The following HS6ST3 variants were observed in gnomAD, a reference collection of about 807,000 sequenced individuals.
HS6ST3 encodes the protein heparan-sulfate 6-O-sulfotransferase 3.
In HS6ST3, 12 loss-of-function variants were observed where a neutral mutation model predicts 36.7. That is an observed-to-expected ratio of 0.33 (90% CI 0.21 to 0.53). HS6ST3 has a LOEUF of 0.53. Ranked by LOEUF, HS6ST3 falls within the 20% of genes least tolerant of loss-of-function variation. The probability of loss-of-function intolerance (pLI) is 0.95; values close to 1 mark genes in which losing one functional copy is unlikely to be tolerated. For missense variants in HS6ST3, 584 were observed against 640.9 expected (o/e 0.91, Z 0.96); for synonymous variants, 240 against 257.5 (o/e 0.93, Z 0.65).
At chr13:96,594,760 C>T (rs1436164016) in intron 1 of HS6ST3, among the ~76,000 whole-genome samples, 1 of 152,176 alleles carries the variant, frequency 6.6e-6, no homozygotes, top group Non-Finnish European at 1.5e-5. Flanking sequence ...GTGATTTACA[C>T]ACCACCATTA....
At chr13:96,112,459 G>C (rs1286873856) in intron 1 of HS6ST3, among the ~76,000 whole-genome samples, 1 of 151,040 alleles carries the variant, frequency 6.6e-6, no homozygotes, top group Non-Finnish European at 1.5e-5. Context: ...CAGGTCAGAT[G>C]TGGTGGCCCA....
chr13:96,172,083 A>G (rs1028101633), intron 1 of HS6ST3, among the ~76,000 whole-genome samples: 1 of 152,262 alleles, frequency 6.6e-6, no homozygotes, highest in African/African-American at 2.4e-5. Flanking sequence ...AGATTGAAAG[A>G]AAAAATATTT....
At chr13:96,205,797 A>G (rs1241098843) in intron 1 of HS6ST3, among the ~76,000 whole-genome samples, 7 of 152,190 alleles carry the variant, frequency 4.6e-5, no homozygotes, top group Non-Finnish European at 1.5e-5. Flanking sequence ...TAAACTAGGT[A>G]TTGAAAGAAC....
At chr13:96,437,588 G>A (rs1309315972) in intron 1 of HS6ST3, among the ~76,000 whole-genome samples, 1 of 152,200 alleles carries the variant, frequency 6.6e-6, no homozygotes, top group Non-Finnish European at 1.5e-5. Flanking sequence ...TATTCTTCAT[G>A]ATGATATGGG....
intron 1 of HS6ST3, among the ~76,000 whole-genome samples, chr13:96,449,758 C>T (rs1410286933): frequency 1.3e-5 from 2 of 152,140 alleles, no homozygotes; most frequent in Admixed American, 1.3e-4. Flanking sequence ...ATAGAGAATG[C>T]AAGTAGTAGG....
intron 1 of HS6ST3, among the ~76,000 whole-genome samples, chr13:96,682,927 A>G (rs986051123): frequency 1.3e-5 from 2 of 152,122 alleles, no homozygotes; most frequent in African/African-American, 4.8e-5. Context: ...CATTTTTATA[A>G]ACAATAAATT....
intron 1 of HS6ST3, among the ~76,000 whole-genome samples, chr13:96,280,143 T>C (rs780497699): frequency 1.3e-5 from 2 of 152,158 alleles, no homozygotes; most frequent in Non-Finnish European, 1.5e-5. Flanking sequence ...TGTACAGTAT[T>C]AGCTCCTGGA....
At chr13:96,720,012 A>G (rs1010554902) in intron 1 of HS6ST3, among the ~76,000 whole-genome samples, 2 of 152,152 alleles carry the variant, frequency 1.3e-5, no homozygotes, top group Non-Finnish European at 2.9e-5. Flanking sequence ...TGCAGGGTGC[A>G]TATATCATGG....
Position 96,833,298 on chromosome 13 carries a change from G to A in HS6ST3, c.*100G>A, listed in dbSNP as rs1566464819. 5 of 837,496 alleles carry A rather than the reference G, an allele frequency of 6.0e-6. No homozygotes were observed. Among genetic ancestry groups the A allele is most frequent in the Non-Finnish European group, 9.0e-6 (5 of 556,396 alleles). 51.9% of individuals were successfully genotyped at this position (837,496 alleles called of 1,614,324 possible). ...AGCTGAGCCATTCTGAGGACATCTGGCTGTGTGTGCTTGATTTGGACATCT... is the reference window on the plus strand; with the variant it reads ...AGCTGAGCCATTCTGAGGACATCTGACTGTGTGTGCTTGATTTGGACATCT... On this transcript the variant is annotated 3_prime_UTR_variant, in exon 2 of 2. Transcript: ENST00000376705.
intron 1 of HS6ST3, among the ~76,000 whole-genome samples, chr13:96,420,726 T>C (rs1264838921): frequency 6.6e-6 from 1 of 152,244 alleles, no homozygotes; most frequent in Non-Finnish European, 1.5e-5. Flanking sequence ...ACAAATGCTG[T>C]ATCAATGGAT....
intron 1 of HS6ST3, among the ~76,000 whole-genome samples, chr13:96,353,781 G>C (rs2055196544): frequency 6.6e-6 from 1 of 152,004 alleles, no homozygotes; most frequent in South Asian, 2.1e-4. Flanking sequence ...TTAATTCAAT[G>C]ACAAATTATA....
At chr13:96,331,228 T>A (rs2055064919) in intron 1 of HS6ST3, among the ~76,000 whole-genome samples, 1 of 152,250 alleles carries the variant, frequency 6.6e-6, no homozygotes, top group Non-Finnish European at 1.5e-5. Context: ...GGTGAGGAAC[T>A]GCGTTCCTTT....
intron 1 of HS6ST3, among the ~76,000 whole-genome samples, chr13:96,825,585 C>T (rs1262476785): frequency 6.6e-6 from 1 of 152,152 alleles, no homozygotes; most frequent in African/African-American, 2.4e-5. Flanking sequence ...CTCCTGTGAT[C>T]TCTACCTACT....
chr13:96,266,527 C>G (rs2139385969), intron 1 of HS6ST3, among the ~76,000 whole-genome samples: 1 of 152,234 alleles, frequency 6.6e-6, no homozygotes, highest in Non-Finnish European at 1.5e-5. Flanking sequence ...ATTCATTTCT[C>G]CACTCAAATT....
chr13:96,774,482 C>T (rs1594857127), intron 1 of HS6ST3, among the ~76,000 whole-genome samples: 1 of 152,204 alleles, frequency 6.6e-6, no homozygotes, highest in Non-Finnish European at 1.5e-5. Flanking sequence ...TAGAGAAGAA[C>T]ATAAATGACT....
intron 1 of HS6ST3, among the ~76,000 whole-genome samples, chr13:96,757,261 T>C (rs556291301): frequency 7.8e-4 from 119 of 152,294 alleles, no homozygotes; most frequent in African/African-American, 2.8e-3. Flanking sequence ...TTTGACATAT[T>C]CTATTAGCTA....
intron 1 of HS6ST3, among the ~76,000 whole-genome samples, chr13:96,185,285 G>C (rs1265363985): frequency 6.6e-6 from 1 of 152,194 alleles, no homozygotes; most frequent in Non-Finnish European, 1.5e-5. Flanking sequence ...CTTTGGAGTA[G>C]TTATAAAGAC....
chr13:96,264,534 A>G (rs1034046588), intron 1 of HS6ST3, among the ~76,000 whole-genome samples: 2 of 152,204 alleles, frequency 1.3e-5, no homozygotes, highest in African/African-American at 4.8e-5. Flanking sequence ...GTACTACCAA[A>G]TAATGAACAA....
rs146490249 is a variant in HS6ST3 at position 96,765,893 on chromosome 13, T to A, written c.708-66597T>A. 2.3e-3 allele frequency among the ~76,000 whole-genome samples: 352 copies of A among 152,320 alleles called. 1 individual carries two copies. The highest frequency in any genetic ancestry group is 4.0e-3 in the Non-Finnish European group (273 of 68,030). On this transcript the variant is annotated intron_variant, in intron 1 of 1. Coordinates refer to ENST00000376705, the MANE Select transcript of HS6ST3 (RefSeq NM_153456.4). ...TTTACCTGAGATGTAGAAATGACAC[T>A]GTAATAAATGCCATTACAGTTAATG...
Sources: gnomAD v4.1 joint callset for allele counts (sites outside exome capture counted in the v4.1 genomes callset) on GRCh38, gnomAD v4.1.1 for gene constraint, MANE v1.5 for transcripts, NCBI Gene and HGNC (gene_info 2026-07-23, HGNC 2026-07-21) for gene names.